Variants in RABEP1 observed in about 807,000 individuals in gnomAD.
RABEP1 encodes the protein rab GTPase-binding effector protein 1.
RABEP1 carries 51 observed loss-of-function variants against 123.4 expected under a neutral mutation model. The ratio of observed to expected loss-of-function variants is 0.41; its 90% CI spans 0.33 to 0.52. The LOEUF (loss-of-function observed/expected upper bound fraction) is 0.52. Ranked by LOEUF, RABEP1 falls within the 20% of genes least tolerant of loss-of-function variation. The probability of loss-of-function intolerance (pLI) is 0.16; values close to 1 mark genes in which losing one functional copy is unlikely to be tolerated. For synonymous variants in RABEP1, 347 were observed against 355.2 expected (o/e 0.98, Z 0.26); for missense variants, 888 against 996.3 (o/e 0.89, Z 1.46).
intron 5 of RABEP1, among the ~76,000 whole-genome samples, chr17:5,344,558 G>A (rs1210690791): frequency 6.6e-6 from 1 of 151,878 alleles, no homozygotes; most frequent in African/African-American, 2.4e-5. Context: ...GGATCACGAG[G>A]TCAGGAGATG....
intron 2 of RABEP1, among the ~76,000 whole-genome samples, chr17:5,310,729 C>T (rs543193322): frequency 6.6e-6 from 1 of 151,938 alleles, no homozygotes; most frequent in African/African-American, 2.4e-5. Flanking sequence ...TTCCTCCTTG[C>T]GTTGGGTTTT....
intron 2 of RABEP1, among the ~76,000 whole-genome samples, chr17:5,311,052 C>T (rs756643257): frequency 2.4e-4 from 36 of 152,012 alleles, no homozygotes; most frequent in African/African-American, 5.8e-4. Flanking sequence ...TCAGATGATC[C>T]GCCTGCCTCG....
chr17:5,309,192 A>G (rs1188782584), intron 2 of RABEP1, among the ~76,000 whole-genome samples: 3 of 152,196 alleles, frequency 2.0e-5, no homozygotes, highest in African/African-American at 7.2e-5. Flanking sequence ...TACCCAACAA[A>G]TATTCAGTTA....
intron 2 of RABEP1, among the ~76,000 whole-genome samples, chr17:5,321,279 T>TA (rs929239337): frequency 6.6e-6 from 1 of 152,034 alleles, no homozygotes; most frequent in Non-Finnish European, 1.5e-5. Flanking sequence ...CCATCTCTAC[T>TA]AAAAAATACA....
At chr17:5,325,621 G>A (rs1905893509) in intron 2 of RABEP1, among the ~76,000 whole-genome samples, 1 of 151,764 alleles carries the variant, frequency 6.6e-6, no homozygotes, top group Non-Finnish European at 1.5e-5. Context: ...TCAATAGGGT[G>A]ACTCTTGTTT....
At chr17:5,382,258 T>C (rs1268165044) in intron 17 of RABEP1, among the ~76,000 whole-genome samples, 2 of 151,438 alleles carry the variant, frequency 1.3e-5, no homozygotes, top group African/African-American at 4.8e-5. Flanking sequence ...ATTTTTGTAT[T>C]TTTAGTAGAG....
intron 2 of RABEP1, among the ~76,000 whole-genome samples, chr17:5,328,892 G>A (rs1906236642): frequency 7.1e-6 from 1 of 141,392 alleles, no homozygotes; most frequent in South Asian, 2.2e-4. Flanking sequence ...CAGAGGTTGC[G>A]CCACTGCACT....
chr17:5,282,500 G>A lies in RABEP1; in HGVS notation c.14G>A (p.Gly5Asp), dbSNP rs780942923. The change falls in exon 1 of 18, where the codon GGC becomes GAC. Residue 5 changes from glycine to aspartate, a missense_variant. By Grantham distance (94) the Gly-to-Asp change is moderately conservative. Transcript: ENST00000537505. MAQP[G>D]PASQPDVSLQ... ...GGCCGCCTGGTCATGGCGCAGCCGG[G>A]CCCGGCTTCCCAGCCTGACGGTGAG... The A allele has an allele frequency of 1.4e-5, 18 of 1,278,674 alleles. No homozygotes were observed. The South Asian group carries it at 3.1e-4, about 22-fold the overall frequency. 79.2% of individuals were successfully genotyped at this position (1,278,674 alleles called of 1,614,324 possible).
intron 2 of RABEP1, among the ~76,000 whole-genome samples, chr17:5,317,183 T>C (rs1440861204): frequency 6.6e-6 from 1 of 152,120 alleles, no homozygotes; most frequent in Non-Finnish European, 1.5e-5. Context: ...GGAATATAGA[T>C]GCAAAAATTC....
chr17:5,310,600 G>A (rs542488890), intron 2 of RABEP1, among the ~76,000 whole-genome samples: 9 of 152,092 alleles, frequency 5.9e-5, no homozygotes, highest in African/African-American at 2.2e-4. Flanking sequence ...GAGCCACCAC[G>A]CCTGGCCAAC....
At chr17:5,325,739 T>C (rs1905909766) in intron 2 of RABEP1, among the ~76,000 whole-genome samples, 1 of 150,942 alleles carries the variant, frequency 6.6e-6, no homozygotes, top group Non-Finnish European at 1.5e-5. Flanking sequence ...AACCGACAAA[T>C]ATTTAGGGTG....
intron 8 of RABEP1, among the ~76,000 whole-genome samples, chr17:5,358,040 G>A (rs1567541916): frequency 6.6e-6 from 1 of 152,132 alleles, no homozygotes; most frequent in African/African-American, 2.4e-5. Context: ...TTAGGTAAGG[G>A]AGGTGGTTGG....
chr17:5,304,179 CATTT>C (rs1197929135), intron 1 of RABEP1, among the ~76,000 whole-genome samples: 2 of 151,990 alleles, frequency 1.3e-5, no homozygotes, highest in African/African-American at 2.4e-5. Flanking sequence ...GTCTTTACTC[CATTT>C]ATTTATTGTA....
At chr17:5,354,081 CTTTCT>C (rs1227170871) in intron 7 of RABEP1, among the ~76,000 whole-genome samples, 3 of 151,720 alleles carry the variant, frequency 2.0e-5, no homozygotes, top group Non-Finnish European at 1.5e-5. Flanking sequence ...GGCGGTTTTG[CTTTCT>C]TTTATTTTGC....
At position 5,383,418 on chromosome 17, in the gene RABEP1, G is replaced by A. The variant is rs900028959; in HGVS notation, c.*195G>A. On this transcript the variant is annotated 3_prime_UTR_variant, in exon 18 of 18. Coordinates refer to ENST00000537505, the MANE Select transcript of RABEP1 (RefSeq NM_004703.6). ...ACAGTGGGGTGATCTGCAGCCCAGA[G>A]ACCTTCAAATGCGAACACTATAAAC... is the stretch of plus-strand genomic sequence containing the variant. 2 of 563,632 alleles carry A rather than the reference G, an allele frequency of 3.5e-6. No individual in the cohort carries two copies. Among genetic ancestry groups the A allele is most frequent in the Admixed American group, 6.1e-5 (2 of 32,924 alleles). 34.9% of individuals were successfully genotyped at this position (563,632 alleles called of 1,614,324 possible).
intron 1 of RABEP1, among the ~76,000 whole-genome samples, chr17:5,303,182 C>A (rs1213263285): frequency 6.6e-6 from 1 of 152,066 alleles, no homozygotes; most frequent in African/African-American, 2.4e-5. Flanking sequence ...GGTATTACTT[C>A]ACTGAATGAA....
At chr17:5,305,744 A>G (rs2075173971) in intron 1 of RABEP1, among the ~76,000 whole-genome samples, 1 of 152,186 alleles carries the variant, frequency 6.6e-6, no homozygotes, top group Non-Finnish European at 1.5e-5. Context: ...TGTGGATTTA[A>G]CAATAAAAAT....
rs541327191 is a variant in RABEP1, at chr17:5,304,713, C to G, written c.35-3981C>G. Among the ~76,000 whole-genome samples the G allele has an allele frequency of 3.9e-5, 6 of 152,188 alleles. No individual in the cohort carries two copies. In the South Asian group the frequency reaches 1.2e-3, roughly 32 times the overall value. On this transcript the variant is annotated intron_variant, in intron 1 of 17. Transcript: ENST00000537505. ...CTGGCATACTGATATTCTCAGCCTT[C>G]TAAATTTCAGAAGGTTTAATTTTGT...
At chr17:5,368,190 T>G (rs1268495904) in intron 11 of RABEP1, among the ~76,000 whole-genome samples, 180 bp from the exon 12 acceptor site, 1 of 152,228 alleles carries the variant, frequency 6.6e-6, no homozygotes, top group East Asian at 1.9e-4. Flanking sequence ...TGCCTTGTGT[T>G]ATCTGAAAGG....
Sources: gnomAD v4.1 joint callset for allele counts (sites outside exome capture counted in the v4.1 genomes callset) on GRCh38, gnomAD v4.1.1 for gene constraint, MANE v1.5 for transcripts, NCBI Gene and HGNC (gene_info 2026-07-23, HGNC 2026-07-21) for gene names.